Variants in EPHA6 observed in about 807,000 individuals in gnomAD.
EPHA6 encodes EPH receptor A6.
In EPHA6, 50 loss-of-function variants were observed where a neutral mutation model predicts 112.0. That is an observed-to-expected ratio of 0.45 (90% confidence interval 0.36 to 0.56). The LOEUF (loss-of-function observed/expected upper bound fraction) is 0.56, where lower values mean the gene tolerates loss of function less well. EPHA6 is among the 20% of genes least tolerant of loss of function. EPHA6 has a pLI of 0.00. For missense variants in EPHA6, 1,280 were observed against 1,417.4 expected (o/e 0.90, Z 1.56); for synonymous variants, 529 against 490.7 (o/e 1.08, Z -1.03).
chr3:97,576,993 T>C (rs2093392940), intron 11 of EPHA6, among the ~76,000 whole-genome samples: 1 of 152,130 alleles, frequency 6.6e-6, no homozygotes, highest in Admixed American at 6.6e-5. Flanking sequence ...GATGACAAGA[T>C]TGAGGGGACT....
intron 12 of EPHA6, among the ~76,000 whole-genome samples, chr3:97,600,741 A>G (rs534563686): frequency 1.3e-5 from 2 of 152,176 alleles, no homozygotes; most frequent in East Asian, 1.9e-4. Context: ...TCAATGTTCT[A>G]TATATAAAGT....
At chr3:97,552,036 C>G (rs2093035783) in intron 11 of EPHA6, among the ~76,000 whole-genome samples, 1 of 151,974 alleles carries the variant, frequency 6.6e-6, no homozygotes, top group Non-Finnish European at 1.5e-5. Flanking sequence ...GTTGCTAAAA[C>G]AAAAACAAAA....
rs374017770 is a variant in EPHA6, at chr3:97,405,230, T to A, written c.1687T>A (p.Ser563Thr). Residue 563 changes from serine to threonine, a missense_variant, in exon 6 of 18, where the codon TCC (serine) becomes ACC (threonine). Around this residue, in one of 4 missense-constraint regions of EPHA6, gnomAD observed 878 missense variants for 999.7 expected, o/e 0.88. Transcript: ENST00000389672. ...IALSWQAPAF[S>T]NGAILDYEIK... ...CCTATCATGGCAAGCACCTGCTTTT[T>A]CCAATGGAGCCATTCTGGACTACGA... is the stretch of plus-strand genomic sequence containing the variant. The A allele has an allele frequency of 3.7e-6, 6 of 1,611,072 alleles. No individual in the cohort carries two copies. Among genetic ancestry groups the A allele is most frequent in the African/African-American group, 1.3e-5 (1 of 74,890 alleles).
At chr3:97,244,535 A>C (rs1185065998) in intron 5 of EPHA6, 1 of 491,290 alleles carries the variant, frequency 2.0e-6, no homozygotes, top group Non-Finnish European at 3.6e-6. Context: ...TGTATTTTGT[A>C]TAATCATATA....
chr3:96,932,424 T>C (rs112357787), intron 2 of EPHA6, among the ~76,000 whole-genome samples: 19 of 152,102 alleles, frequency 1.2e-4, no homozygotes, highest in Non-Finnish European at 2.9e-5. Context: ...TCAGCTTACC[T>C]TTTACATTTA....
chr3:97,203,922 A>T (rs2077644925), intron 3 of EPHA6, among the ~76,000 whole-genome samples: 1 of 152,168 alleles, frequency 6.6e-6, no homozygotes, highest in African/African-American at 2.4e-5. Context: ...AGCGTGGCAC[A>T]TGTATACATA....
At chr3:96,907,052 G>A (rs777522744) in intron 2 of EPHA6, among the ~76,000 whole-genome samples, 4 of 151,710 alleles carry the variant, frequency 2.6e-5, no homozygotes, top group Non-Finnish European at 5.9e-5. Flanking sequence ...GAGGACTTCT[G>A]CCACTTGTCC....
chr3:97,359,035 T>C (rs1314953175), intron 5 of EPHA6, among the ~76,000 whole-genome samples: 2 of 152,002 alleles, frequency 1.3e-5, no homozygotes, highest in African/African-American at 2.4e-5. Context: ...TATGGCTTTT[T>C]TTTTTTTGAG....
At chr3:97,205,895 A>G (rs1327457242) in intron 3 of EPHA6, among the ~76,000 whole-genome samples, 1 of 152,086 alleles carries the variant, frequency 6.6e-6, no homozygotes, top group African/African-American at 2.4e-5. Context: ...TAGTTATAAT[A>G]CTATTCTTGT....
chr3:97,121,984 C>G (rs1217775234), intron 3 of EPHA6, among the ~76,000 whole-genome samples: 3 of 151,960 alleles, frequency 2.0e-5, no homozygotes, highest in Non-Finnish European at 4.4e-5. Flanking sequence ...AATTTATAAC[C>G]ACTTGATGCT....
Position 97,272,495 on chromosome 3 carries a change from A to C in EPHA6, c.1606+28208A>C, listed in dbSNP as rs77505584. Reference sequence around the variant, plus strand: ...CGTCCGTGTGAAGAGACCACCAAACAGGCTTTGTGTGAGCAACAAGGCTAT... The same window carrying C: ...CGTCCGTGTGAAGAGACCACCAAACCGGCTTTGTGTGAGCAACAAGGCTAT... On this transcript the variant is annotated intron_variant, in intron 5 of 17. Transcript: ENST00000389672. Among the ~76,000 whole-genome samples the C allele has an allele frequency of 3.9e-3, 592 of 152,290 alleles. 16 individuals carry two copies. The East Asian group carries it at 0.09, about 23-fold the overall frequency.
chr3:97,225,209 C>T (rs2078320299), intron 3 of EPHA6, among the ~76,000 whole-genome samples: 1 of 152,178 alleles, frequency 6.6e-6, no homozygotes, highest in African/African-American at 2.4e-5. Context: ...CCCGCCTCGG[C>T]CTCCCAAAGT....
At chr3:96,913,885 C>G (rs1050230260) in intron 2 of EPHA6, among the ~76,000 whole-genome samples, 1 of 151,996 alleles carries the variant, frequency 6.6e-6, no homozygotes, top group Non-Finnish European at 1.5e-5. Flanking sequence ...TTATTGAGGG[C>G]CTATCTGTGC....
chr3:97,218,694 G>C (rs1234981447), intron 3 of EPHA6, among the ~76,000 whole-genome samples: 1 of 152,106 alleles, frequency 6.6e-6, no homozygotes, highest in Non-Finnish European at 1.5e-5. Context: ...AAATCATTCT[G>C]TCCCTGGCCC....
intron 3 of EPHA6, among the ~76,000 whole-genome samples, chr3:97,123,349 T>G (rs778252802): frequency 3.9e-5 from 6 of 152,114 alleles, no homozygotes; most frequent in Non-Finnish European, 7.4e-5. Flanking sequence ...TTGTTCATTG[T>G]ATATTCATAC....
intron 6 of EPHA6, among the ~76,000 whole-genome samples, chr3:97,406,587 A>G (rs2109135283): frequency 6.6e-6 from 1 of 152,300 alleles, no homozygotes; most frequent in South Asian, 2.1e-4. Flanking sequence ...CATTAACCAT[A>G]ACACATACCT....
chr3:97,641,765 C>G (rs985767346), intron 14 of EPHA6, among the ~76,000 whole-genome samples: 3 of 152,232 alleles, frequency 2.0e-5, no homozygotes, highest in Admixed American at 6.5e-5. Flanking sequence ...GAGATTATAT[C>G]CCACACCTGG....
chr3:97,552,582 C>T (rs1217312567), intron 11 of EPHA6, among the ~76,000 whole-genome samples: 1 of 152,080 alleles, frequency 6.6e-6, no homozygotes, highest in Non-Finnish European at 1.5e-5. Flanking sequence ...TAAAAAAGGA[C>T]ATATTATCCA....
intron 11 of EPHA6, among the ~76,000 whole-genome samples, chr3:97,538,728 G>C (rs2092796706): frequency 6.6e-6 from 1 of 152,168 alleles, no homozygotes; most frequent in Non-Finnish European, 1.5e-5. Flanking sequence ...AACCAACTTA[G>C]ATGGATTGAG....
Sources: allele counts gnomAD v4.1 joint callset (sites outside exome capture counted in the v4.1 genomes callset), GRCh38; gene constraint gnomAD v4.1.1; regional missense constraint gnomAD v4.1.1; transcripts MANE v1.5; gene names NCBI Gene and HGNC (gene_info 2026-07-23, HGNC 2026-07-21).